The following FAR2 variants were observed in gnomAD, a reference collection of about 807,000 sequenced individuals.
FAR2 encodes the protein fatty acyl-CoA reductase 2.
In FAR2, 19 loss-of-function variants were observed where a neutral mutation model predicts 56.0. The ratio of observed to expected loss-of-function variants is 0.34; its 90% CI spans 0.24 to 0.50. FAR2 has a LOEUF of 0.50. Ranked by LOEUF, FAR2 falls within the 20% of genes least tolerant of loss-of-function variation. FAR2 has a pLI of 0.98. For missense variants in FAR2, 508 were observed against 642.2 expected, an observed-to-expected ratio of 0.79 and a Z score of 2.26; for synonymous variants, 219 against 218.8, an observed-to-expected ratio of 1.00 and a Z score of -0.01.
intron 1 of FAR2, among the ~76,000 whole-genome samples, chr12:29,257,360 A>T (rs1948337970): frequency 6.6e-6 from 1 of 152,234 alleles, no homozygotes; most frequent in Non-Finnish European, 1.5e-5. Context: ...TAGCTCAGGG[A>T]TTGTAAATGC....
At chr12:29,208,496 C>A (rs1311339472) in intron 1 of FAR2, among the ~76,000 whole-genome samples, 2 of 152,172 alleles carry the variant, frequency 1.3e-5, no homozygotes, top group African/African-American at 2.4e-5. Flanking sequence ...ATGTAATGAT[C>A]ACAATTGTTA....
At chr12:29,207,929 T>C (rs138406838) in intron 1 of FAR2, among the ~76,000 whole-genome samples, 158 of 152,328 alleles carry the variant, frequency 1.0e-3, no homozygotes, top group Middle Eastern at 3.4e-3. Context: ...AGGCCAGGCA[T>C]GGTGGCTCAC....
chr12:29,309,137 A>G (rs770333948), intron 5 of FAR2, 49 bp from the exon 6 acceptor site: 2 of 1,389,432 alleles, frequency 1.4e-6, no homozygotes, highest in Admixed American at 3.4e-5. Context: ...TTCCAAAGAT[A>G]AAACAATTTT....
intron 1 of FAR2, among the ~76,000 whole-genome samples, chr12:29,266,451 A>T (rs973307893): frequency 1.3e-5 from 2 of 152,158 alleles, no homozygotes; most frequent in African/African-American, 4.8e-5. Context: ...ACTAAAAATT[A>T]AAACAATTGA....
intron 1 of FAR2, among the ~76,000 whole-genome samples, chr12:29,244,093 C>G (rs1018568274): frequency 8.5e-5 from 13 of 152,184 alleles, no homozygotes. Flanking sequence ...CTATTATCTG[C>G]TATGTCATTT....
At chr12:29,235,524 G>A (rs2136657205) in intron 1 of FAR2, among the ~76,000 whole-genome samples, 1 of 152,270 alleles carries the variant, frequency 6.6e-6, no homozygotes, top group South Asian at 2.1e-4. Context: ...CAATAAAGAG[G>A]CACACTGAGA....
intron 10 of FAR2, 108 bp from the exon 11 acceptor site, chr12:29,332,492 T>A: frequency 1.3e-6 from 2 of 1,504,324 alleles, no homozygotes; most frequent in South Asian, 2.6e-5. Context: ...GTCCAACCTA[T>A]GTCTCCCAAA....
intron 1 of FAR2, among the ~76,000 whole-genome samples, chr12:29,167,716 A>G (rs1419016655): frequency 2.0e-5 from 3 of 152,226 alleles, no homozygotes; most frequent in African/African-American, 7.2e-5. Flanking sequence ...TATAAATACT[A>G]CAATCCAACA....
chr12:29,216,659 A>C (rs971945949), intron 1 of FAR2, among the ~76,000 whole-genome samples: 1 of 152,176 alleles, frequency 6.6e-6, no homozygotes, highest in Non-Finnish European at 1.5e-5. Flanking sequence ...AAACAGCTGA[A>C]AAAAAAGGCT....
chr12:29,176,548 A>T (rs1463218954), intron 1 of FAR2, among the ~76,000 whole-genome samples: 1 of 152,262 alleles, frequency 6.6e-6, no homozygotes, highest in East Asian at 1.9e-4. Context: ...ACTAGTTGAA[A>T]GATGATCTAG....
intron 1 of FAR2, among the ~76,000 whole-genome samples, chr12:29,177,932 A>T (rs747309105): frequency 6.6e-6 from 1 of 152,218 alleles, no homozygotes; most frequent in Non-Finnish European, 1.5e-5. Flanking sequence ...AGAATCATGC[A>T]AAAAGAAGTA....
chr12:29,170,254 G>C lies in FAR2; in HGVS notation c.-39+20847G>C, dbSNP rs571939662. 3.3e-5 allele frequency among the ~76,000 whole-genome samples: 5 copies of C among 152,192 alleles called. No individual in the cohort carries two copies. The East Asian group carries it at 7.7e-4, about 23-fold the overall frequency. ...TGTGTCTTTTTCCCTTAATCGCCTG[G>C]GAGGAAACATCTATCTCCTGTCCTG... On this transcript the variant is annotated intron_variant, in intron 1 of 11. Transcript: ENST00000536681.
intron 2 of FAR2, among the ~76,000 whole-genome samples, chr12:29,288,866 C>T (rs1948914666): frequency 1.3e-5 from 2 of 152,074 alleles, no homozygotes; most frequent in African/African-American, 4.8e-5. Flanking sequence ...CAATGAATGG[C>T]ATACTGTCAG....
chr12:29,263,025 A>G (rs184673561), intron 1 of FAR2, among the ~76,000 whole-genome samples: 155 of 152,372 alleles, frequency 1.0e-3, no homozygotes, highest in African/African-American at 3.5e-3. Flanking sequence ...AATAGATTTC[A>G]AGACAAAAAC....
At chr12:29,168,624 T>G (rs890080755) in intron 1 of FAR2, among the ~76,000 whole-genome samples, 1 of 152,206 alleles carries the variant, frequency 6.6e-6, no homozygotes, top group African/African-American at 2.4e-5. Flanking sequence ...AAGGATGGTG[T>G]GTCTGGAGTT....
intron 2 of FAR2, among the ~76,000 whole-genome samples, chr12:29,286,794 G>T (rs571678949): frequency 6.6e-6 from 1 of 151,950 alleles, no homozygotes; most frequent in African/African-American, 2.4e-5. Context: ...CACAGAATAC[G>T]ATTTTAAGTG....
intron 1 of FAR2, among the ~76,000 whole-genome samples, chr12:29,264,660 G>GA (rs139358633): frequency 3.4e-5 from 3 of 89,324 alleles, no homozygotes; most frequent in African/African-American, 1.0e-4. Context: ...AATAAATAAA[G>GA]GAGAGAGAGA....
intron 1 of FAR2, among the ~76,000 whole-genome samples, chr12:29,191,048 C>A (rs981450999): frequency 2.0e-5 from 3 of 152,200 alleles, no homozygotes; most frequent in African/African-American, 7.2e-5. Context: ...CTGTGAACAG[C>A]TTTCTGAAGA....
chr12:29,287,295 T>C (rs967248330), intron 2 of FAR2, among the ~76,000 whole-genome samples: 10 of 152,196 alleles, frequency 6.6e-5, no homozygotes, highest in African/African-American at 2.4e-4. Flanking sequence ...CTTATGGAGT[T>C]ATAGAAACGG....
Sources: allele counts gnomAD v4.1 joint callset (sites outside exome capture counted in the v4.1 genomes callset), GRCh38; gene constraint gnomAD v4.1.1; transcripts MANE v1.5; gene names NCBI Gene and HGNC (gene_info 2026-07-23, HGNC 2026-07-21).